The following NLN variants were observed in gnomAD, a reference collection of about 807,000 sequenced individuals.
NLN encodes the protein neurolysin, mitochondrial.
A neutral mutation model predicts 79.9 loss-of-function variants in NLN; 64 were observed. That is an observed-to-expected ratio of 0.80 (90% CI 0.65 to 0.99). NLN has a LOEUF of 0.99. Among genes scored for constraint, NLN ranks in the 50% least tolerant of loss-of-function variants. The pLI is 0.00. For synonymous variants in NLN, 267 were observed against 296.6 expected, an observed-to-expected ratio of 0.90 and a Z score of 1.02; for missense variants, 835 against 858.7, an observed-to-expected ratio of 0.97 and a Z score of 0.34.
At chr5:65,738,980 T>TAAA (rs1429675157) in intron 1 of NLN, among the ~76,000 whole-genome samples, 305 of 27,700 alleles carry the variant, frequency 0.011, 2 homozygotes, top group African/African-American at 0.032. Flanking sequence ...AATATATATA[T>TAAA]TATATATTTA....
At chr5:65,794,447 A>G (rs1363602249) in intron 9 of NLN, among the ~76,000 whole-genome samples, 4 of 152,086 alleles carry the variant, frequency 2.6e-5, no homozygotes, top group Non-Finnish European at 4.4e-5. Context: ...TCTACAAAAG[A>G]TACAAAAATT....
chr5:65,786,107 G>A, intron 7 of NLN, 197 bp downstream of exon 7: 1 of 435,118 alleles, frequency 2.3e-6, no homozygotes, highest in Non-Finnish European at 4.0e-6. Context: ...GTATAGGCCT[G>A]GCTTCACTGT....
chr5:65,730,546 T>C (rs1758582259), intron 1 of NLN, among the ~76,000 whole-genome samples: 3 of 151,610 alleles, frequency 2.0e-5, no homozygotes, highest in African/African-American at 4.8e-5. Context: ...TTTTCTTCTT[T>C]TTTTTTTTTT....
At chr5:65,790,574 A>G (rs1298270858) in intron 8 of NLN, among the ~76,000 whole-genome samples, 1 of 152,152 alleles carries the variant, frequency 6.6e-6, no homozygotes, top group Non-Finnish European at 1.5e-5. Flanking sequence ...ACTCACTATC[A>G]TGAGACTGGC....
intron 1 of NLN, among the ~76,000 whole-genome samples, chr5:65,724,710 C>A (rs1257247007): frequency 1.3e-5 from 2 of 152,002 alleles, no homozygotes; most frequent in African/African-American, 4.8e-5. Context: ...ATTGGCAGTA[C>A]CTAAGGATTC....
At chr5:65,753,539 C>G (rs804491) in intron 1 of NLN, among the ~76,000 whole-genome samples, 1 of 151,710 alleles carries the variant, frequency 6.6e-6, no homozygotes, top group Non-Finnish European at 1.5e-5. Context: ...AATCCCAGCT[C>G]CTCGGAAGGC....
chr5:65,742,008 T>C (rs1758878135), intron 1 of NLN, among the ~76,000 whole-genome samples: 1 of 152,178 alleles, frequency 6.6e-6, no homozygotes, highest in Admixed American at 6.5e-5. Context: ...TTCTGAAAGC[T>C]CTATTTGTCA....
At chr5:65,733,679 A>C in intron 1 of NLN, 3 of 1,442,726 alleles carry the variant, frequency 2.1e-6, no homozygotes, top group Non-Finnish European at 2.9e-6. Context: ...AGTGGGATGG[A>C]TACGCTTTCT....
rs943713539 is a variant in NLN, at chr5:65,827,520, G to C, written c.*4605G>C. On this transcript the variant is annotated 3_prime_UTR_variant, in exon 13 of 13. Transcript: ENST00000380985. ...TTGCTGTTGATATCTTTGTGGCTAAGATGGAGAATGTGACTGGATAATAGT... is the reference window on the plus strand; with the variant it reads ...TTGCTGTTGATATCTTTGTGGCTAACATGGAGAATGTGACTGGATAATAGT... 6.6e-6 allele frequency: 1 copy of C among 152,206 alleles called. No homozygotes were observed. The highest frequency in any genetic ancestry group is 2.4e-5 in the African/African-American group (1 of 41,456). The allele number at this position is 152,206 out of a possible 1,614,324, so 9.4% of individuals were successfully genotyped here.
rs1161484102 is a variant in NLN, at chr5:65,798,278, C to T, written c.1527+5623C>T. On this transcript the variant is annotated intron_variant, in intron 9 of 12. Coordinates refer to ENST00000380985, the MANE Select transcript of NLN (RefSeq NM_020726.5). ...CATTTTCCAAATGAAAAATCTGAGACATAGAAGGACCTGCCCAGGGTCCAA... is the reference window on the plus strand; with the variant it reads ...CATTTTCCAAATGAAAAATCTGAGATATAGAAGGACCTGCCCAGGGTCCAA... Among the ~76,000 whole-genome samples the T allele has an allele frequency of 1.3e-5, 2 of 152,154 alleles. 1 individual carries two copies. The highest frequency in any genetic ancestry group is 4.8e-5 in the African/African-American group (2 of 41,430).
At chr5:65,799,908 T>C (rs1299668710) in intron 9 of NLN, among the ~76,000 whole-genome samples, 4 of 147,732 alleles carry the variant, frequency 2.7e-5, no homozygotes, top group African/African-American at 5.2e-5. Flanking sequence ...TAGTAGATAG[T>C]GGTCACTTTA....
chr5:65,757,547 A>C (rs1489502768), intron 1 of NLN, among the ~76,000 whole-genome samples: 2 of 152,174 alleles, frequency 1.3e-5, no homozygotes, highest in Admixed American at 6.6e-5. Flanking sequence ...AATAAATGTT[A>C]GCTACTAAAT....
chr5:65,756,072 T>G (rs1402012795), intron 1 of NLN, among the ~76,000 whole-genome samples: 1 of 152,144 alleles, frequency 6.6e-6, no homozygotes, highest in Non-Finnish European at 1.5e-5. Context: ...TTTCAGTATT[T>G]CTCAACATCT....
At chr5:65,722,550 C>G (rs1017199849) in intron 1 of NLN, 136 bp downstream of exon 1, 1 of 789,196 alleles carries the variant, frequency 1.3e-6, no homozygotes, top group African/African-American at 1.8e-5. Context: ...CCGCGGCTTG[C>G]AAGGTGGACC....
chr5:65,754,247 CCATT>C (rs1438265300), intron 1 of NLN, among the ~76,000 whole-genome samples: 1 of 151,952 alleles, frequency 6.6e-6, no homozygotes, highest in African/African-American at 2.4e-5. Context: ...CTTTATTCTG[CCATT>C]CAAAGTGTCT....
intron 1 of NLN, among the ~76,000 whole-genome samples, chr5:65,737,911 A>G (rs926195769): frequency 2.6e-5 from 4 of 152,096 alleles, no homozygotes; most frequent in Non-Finnish European, 5.9e-5. Flanking sequence ...TGGGTGGACC[A>G]CTTTAGCTCA....
intron 9 of NLN, among the ~76,000 whole-genome samples, chr5:65,795,247 G>A (rs1421058790): frequency 1.3e-5 from 2 of 152,244 alleles, no homozygotes; most frequent in East Asian, 3.9e-4. Context: ...GCAAGGCTAG[G>A]CATGGCAGCT....
intron 1 of NLN, chr5:65,733,544 G>A: frequency 1.4e-6 from 2 of 1,480,590 alleles, no homozygotes; most frequent in South Asian, 1.1e-5. Flanking sequence ...CTGAGCTGAT[G>A]TGTACAGTCA....
intron 3 of NLN, among the ~76,000 whole-genome samples, chr5:65,763,766 C>G (rs144853832): frequency 6.6e-6 from 1 of 151,440 alleles, no homozygotes; most frequent in East Asian, 1.9e-4. Flanking sequence ...TTTAGCAGAC[C>G]GTGACAAGAG....
Sources: gnomAD v4.1 joint callset for allele counts (sites outside exome capture counted in the v4.1 genomes callset) on GRCh38, gnomAD v4.1.1 for gene constraint, MANE v1.5 for transcripts, NCBI Gene and HGNC (gene_info 2026-07-23, HGNC 2026-07-21) for gene names.